Variants in SH3RF3 observed in about 807,000 individuals in gnomAD.
The protein encoded by SH3RF3 is E3 ubiquitin-protein ligase SH3RF3.
A neutral mutation model predicts 66.3 loss-of-function variants in SH3RF3; 29 were observed. The ratio of observed to expected loss-of-function variants is 0.44; its 90% CI spans 0.33 to 0.60. The LOEUF (loss-of-function observed/expected upper bound fraction) is 0.60. Ranked by LOEUF, SH3RF3 falls within the 20% of genes least tolerant of loss-of-function variation. The pLI is 0.04. For synonymous variants in SH3RF3, 583 were observed against 532.0 expected, an observed-to-expected ratio of 1.10 and a Z score of -1.32; for missense variants, 1,194 against 1,190.9, an observed-to-expected ratio of 1.00 and a Z score of -0.04.
chr2:109,364,541 T>A (rs1396839932), intron 2 of SH3RF3, among the ~76,000 whole-genome samples: 4 of 152,236 alleles, frequency 2.6e-5, no homozygotes, highest in African/African-American at 9.6e-5. Context: ...CTGTGATATT[T>A]TCTTGATACC....
intron 1 of SH3RF3, among the ~76,000 whole-genome samples, chr2:109,272,718 AG>A (rs937805357): frequency 7.9e-5 from 12 of 152,206 alleles, no homozygotes; most frequent in Non-Finnish European, 1.5e-4. Context: ...TGGTCAGCAG[AG>A]GGGCACTGGC....
chr2:109,226,761 A>C (rs1198729649), intron 1 of SH3RF3, among the ~76,000 whole-genome samples: 1 of 152,202 alleles, frequency 6.6e-6, no homozygotes, highest in Non-Finnish European at 1.5e-5. Flanking sequence ...ACATTCAGAT[A>C]TAGACATGCT....
intron 1 of SH3RF3, among the ~76,000 whole-genome samples, chr2:109,332,149 CT>C (rs772877408): frequency 1.1e-3 from 167 of 152,284 alleles, no homozygotes; most frequent in African/African-American, 3.7e-3. Context: ...CAGAGAGGCG[CT>C]TTACCCATGA....
intron 1 of SH3RF3, among the ~76,000 whole-genome samples, chr2:109,150,878 C>G (rs1240532283): frequency 1.2e-4 from 19 of 152,068 alleles, no homozygotes. Flanking sequence ...AAAATATGGG[C>G]ATATAAGTCA....
chr2:109,137,714 G>T (rs1337530053), intron 1 of SH3RF3, among the ~76,000 whole-genome samples: 2 of 152,198 alleles, frequency 1.3e-5, no homozygotes, highest in Non-Finnish European at 2.9e-5. Context: ...TTCAGTAAAT[G>T]GTTGCAGGTT....
intron 1 of SH3RF3, among the ~76,000 whole-genome samples, chr2:109,201,531 C>T (rs1047719697): frequency 6.6e-6 from 1 of 152,176 alleles, no homozygotes; most frequent in African/African-American, 2.4e-5. Flanking sequence ...CTGCTAGGGT[C>T]TCCCCTCCCT....
intron 7 of SH3RF3, among the ~76,000 whole-genome samples, chr2:109,446,465 T>C (rs1677708383): frequency 6.6e-6 from 1 of 152,086 alleles, no homozygotes; most frequent in African/African-American, 2.4e-5. Context: ...TGTGAGGAGC[T>C]AAGAGCCTTG....
At chr2:109,354,438 G>A (rs1181734216) in intron 2 of SH3RF3, among the ~76,000 whole-genome samples, 1 of 152,232 alleles carries the variant, frequency 6.6e-6, no homozygotes, top group Non-Finnish European at 1.5e-5. Context: ...CAGGGCTGTG[G>A]GCCACTCATG....
chr2:109,195,420 G>A (rs1034992980), intron 1 of SH3RF3, among the ~76,000 whole-genome samples: 2 of 152,238 alleles, frequency 1.3e-5, no homozygotes, highest in Non-Finnish European at 2.9e-5. Flanking sequence ...GGACACCAGC[G>A]TCTGCCACTC....
intron 2 of SH3RF3, among the ~76,000 whole-genome samples, chr2:109,360,276 G>T (rs1048697504): frequency 6.6e-6 from 1 of 152,040 alleles, no homozygotes; most frequent in African/African-American, 2.4e-5. Context: ...AAATACTTAT[G>T]TGTGAATAAT....
At chr2:109,470,631 G>C (rs1559100840) in intron 8 of SH3RF3, among the ~76,000 whole-genome samples, 1 of 152,230 alleles carries the variant, frequency 6.6e-6, no homozygotes, top group Non-Finnish European at 1.5e-5. Context: ...CCCTGGACTG[G>C]CTCTGACAGT....
chr2:109,197,557 C>T (rs768944803), intron 1 of SH3RF3, among the ~76,000 whole-genome samples: 5 of 152,164 alleles, frequency 3.3e-5, no homozygotes, highest in African/African-American at 9.7e-5. Context: ...TGCAGGTGGC[C>T]GGGGAGGGGT....
chr2:109,283,794 C>T (rs907478150), intron 1 of SH3RF3, among the ~76,000 whole-genome samples: 1 of 152,194 alleles, frequency 6.6e-6, no homozygotes, highest in African/African-American at 2.4e-5. Context: ...TGCCTGGCTC[C>T]TTGTGTTTGT....
intron 1 of SH3RF3, among the ~76,000 whole-genome samples, chr2:109,275,677 G>A (rs1680739226): frequency 6.6e-6 from 1 of 152,164 alleles, no homozygotes. Flanking sequence ...CTGGATGCTT[G>A]ATTAGCGCGT....
At chr2:109,179,140 G>A (rs1678008305) in intron 1 of SH3RF3, among the ~76,000 whole-genome samples, 1 of 152,060 alleles carries the variant, frequency 6.6e-6, no homozygotes, top group African/African-American at 2.4e-5. Context: ...AAGGAAACGA[G>A]TAGGATGTAC....
chr2:109,426,393 C>T (rs923893884), intron 5 of SH3RF3, among the ~76,000 whole-genome samples: 1 of 152,210 alleles, frequency 6.6e-6, no homozygotes, highest in Non-Finnish European at 1.5e-5. Flanking sequence ...TTCTTCCAAT[C>T]CTCATGGATG....
At chr2:109,473,697 C>T (rs981784835) in intron 8 of SH3RF3, among the ~76,000 whole-genome samples, 16 of 152,068 alleles carry the variant, frequency 1.1e-4, no homozygotes, top group African/African-American at 3.1e-4. Flanking sequence ...GTCCTGCTGC[C>T]GTGCCCAGCT....
intron 1 of SH3RF3, among the ~76,000 whole-genome samples, chr2:109,136,644 A>G (rs1350968462): frequency 6.6e-6 from 1 of 152,200 alleles, no homozygotes; most frequent in African/African-American, 2.4e-5. Flanking sequence ...GAGGCCCAAG[A>G]AGAGTCACTG....
chr2:109,129,446 C>G lies in SH3RF3; in HGVS notation c.-95C>G. 1 of 1,490,878 alleles carries G rather than the reference C, an allele frequency of 6.7e-7. No individual in the cohort carries two copies. Among genetic ancestry groups the G allele is most frequent in the Non-Finnish European group, 8.9e-7 (1 of 1,122,490 alleles). The allele number at this position is 1,490,878 out of a possible 1,614,324, so 92.4% of individuals were successfully genotyped here. The stretch of plus-strand genomic sequence containing the variant: ...GGGTGAAGAAAGTCACGGCGGAGCC[C>G]GGCTCCCCAGTCCTGATGCTGGCTG... On this transcript the variant is annotated 5_prime_UTR_variant, in exon 1 of 10. Coordinates refer to ENST00000309415, the MANE Select transcript of SH3RF3 (RefSeq NM_001099289.3).
Sources: allele counts gnomAD v4.1 joint callset (sites outside exome capture counted in the v4.1 genomes callset), GRCh38; gene constraint gnomAD v4.1.1; transcripts MANE v1.5; gene names NCBI Gene and HGNC (gene_info 2026-07-23, HGNC 2026-07-21).